Variants in SCAPER observed in about 807,000 individuals in gnomAD.
SCAPER encodes the protein S-phase cyclin A associated protein in the ER, also known as S phase cyclin A-associated protein in the endoplasmic reticulum.
A neutral mutation model predicts 182.2 loss-of-function variants in SCAPER; 98 were observed. That is an observed-to-expected ratio of 0.54 (90% confidence interval 0.46 to 0.64). SCAPER has a LOEUF of 0.64. Ranked by LOEUF, SCAPER falls within the 30% of genes least tolerant of loss-of-function variation. The probability of loss-of-function intolerance (pLI) is 0.00; values close to 1 mark genes in which losing one functional copy is unlikely to be tolerated. For synonymous variants in SCAPER, 605 were observed against 564.6 expected, an observed-to-expected ratio of 1.07 and a Z score of -1.01; for missense variants, 1,432 against 1,690.0, an observed-to-expected ratio of 0.85 and a Z score of 2.68.
intron 21 of SCAPER, among the ~76,000 whole-genome samples, chr15:76,643,774 T>C (rs1169831065): frequency 1.3e-5 from 2 of 152,178 alleles, no homozygotes; most frequent in South Asian, 2.1e-4. Flanking sequence ...ATTTTTAGGG[T>C]CTCCTAACTA....
chr15:76,781,945 T>C (rs2064177925), intron 8 of SCAPER, among the ~76,000 whole-genome samples: 1 of 152,110 alleles, frequency 6.6e-6, no homozygotes, highest in African/African-American at 2.4e-5. Flanking sequence ...TACCAAATGG[T>C]AAAGACCATG....
In SCAPER at chr15:76,765,592, T is replaced by A; in HGVS notation, c.1466A>T (p.Asp489Val). The change falls in exon 12 of 32, where the codon GAC (aspartate) becomes GTC (valine). Residue 489 changes from aspartate to valine, a missense_variant. Transcript: ENST00000563290. ...GSVSFCGMSM[D>V]WNDVLADYEA... The stretch of plus-strand genomic sequence containing the variant: ...ATAATCTGCAAGGACATCGTTCCAG[T>A]CCATGGACATACCACAGAAAGAAAC... 1 of 1,590,684 alleles carries A rather than the reference T, an allele frequency of 6.3e-7. No homozygotes were observed. The highest frequency in any genetic ancestry group is 8.6e-7 in the Non-Finnish European group (1 of 1,167,428).
chr15:76,855,197 T>C (rs1452319681), intron 4 of SCAPER, among the ~76,000 whole-genome samples: 1 of 152,022 alleles, frequency 6.6e-6, no homozygotes, highest in Non-Finnish European at 1.5e-5. Flanking sequence ...ATTCAACAAA[T>C]GGTGTTGAGA....
intron 21 of SCAPER, among the ~76,000 whole-genome samples, chr15:76,644,583 C>A (rs879494067): frequency 6.6e-6 from 1 of 151,108 alleles, no homozygotes; most frequent in Non-Finnish European, 1.5e-5. Context: ...ATTTTTATGA[C>A]CATAAAAACA....
chr15:76,857,182 C>T (rs994215264), intron 4 of SCAPER, among the ~76,000 whole-genome samples: 2 of 152,106 alleles, frequency 1.3e-5, no homozygotes, highest in African/African-American at 4.8e-5. Flanking sequence ...CCTATAACCC[C>T]AGCACTTTGG....
intron 22 of SCAPER, among the ~76,000 whole-genome samples, chr15:76,614,164 C>T (rs749022788): frequency 6.6e-6 from 1 of 152,144 alleles, no homozygotes; most frequent in Non-Finnish European, 1.5e-5. Flanking sequence ...CCAAATATCA[C>T]ATGTTCTCAT....
Position 76,512,107 on chromosome 15 carries a change from C to T in SCAPER, c.2839-7133G>A, listed in dbSNP as rs112918261. 9.5e-3 allele frequency among the ~76,000 whole-genome samples: 1,440 copies of T among 151,718 alleles called. 11 individuals are homozygous for T. Among genetic ancestry groups the T allele is most frequent in the Middle Eastern group, 0.034 (10 of 294 alleles). On this transcript the variant is annotated intron_variant, in intron 23 of 31. Coordinates refer to ENST00000563290, the MANE Select transcript of SCAPER (RefSeq NM_020843.4). ...TTCACCATGTTGGTCAGGCCGGTCT[C>T]GAACTCCTGACCTCAGGTGATCCAC...
chr15:76,467,977 T>C (rs1218710832), intron 25 of SCAPER, among the ~76,000 whole-genome samples: 1 of 152,186 alleles, frequency 6.6e-6, no homozygotes, highest in Non-Finnish European at 1.5e-5. Flanking sequence ...GTCTTATAAA[T>C]AACACCAGAT....
chr15:76,897,760 C>T (rs1247439667), intron 1 of SCAPER, among the ~76,000 whole-genome samples: 1 of 152,188 alleles, frequency 6.6e-6, no homozygotes, highest in African/African-American at 2.4e-5. Context: ...TACTGATTAA[C>T]TTGAAATCCT....
chr15:76,579,901 G>C (rs911577015), intron 22 of SCAPER, among the ~76,000 whole-genome samples: 1 of 151,914 alleles, frequency 6.6e-6, no homozygotes, highest in African/African-American at 2.4e-5. Flanking sequence ...TACATTTCAA[G>C]ACAAAACTAT....
At position 76,353,977 on chromosome 15, in the gene SCAPER, C is replaced by G. The variant is rs753671837; in HGVS notation, c.4019G>C (p.Ser1340Thr). 1.1e-5 allele frequency: 18 copies of G among 1,591,156 alleles called. No homozygotes were observed. The highest frequency in any genetic ancestry group is 1.4e-5 in the Non-Finnish European group (16 of 1,172,592). The change falls in exon 30 of 32, where the codon AGC becomes ACC. Residue 1340 changes from serine to threonine, a missense_variant. Physicochemically the swap from Ser to Thr is moderately conservative, Grantham distance 58. Coordinates refer to ENST00000563290, the MANE Select transcript of SCAPER (RefSeq NM_020843.4). ...QNKIILEQEM[S>T]CVLLATFIQD... The stretch of plus-strand genomic sequence containing the variant: ...AATGAAAGTGGCCAGTAAAACACAG[C>G]TCATCTCTTGCTCCAGAATGATCTT...
chr15:76,355,926 A>C (rs970475075), intron 29 of SCAPER, among the ~76,000 whole-genome samples: 2 of 152,230 alleles, frequency 1.3e-5, no homozygotes, highest in Admixed American at 6.5e-5. Flanking sequence ...TGGATTGCAG[A>C]AGATGCAAAT....
At chr15:76,623,745 C>T (rs2052318383) in intron 21 of SCAPER, among the ~76,000 whole-genome samples, 1 of 152,112 alleles carries the variant, frequency 6.6e-6, no homozygotes, top group Non-Finnish European at 1.5e-5. Context: ...TTTATGGCTC[C>T]ATATGCATTT....
rs536644081 is a variant in SCAPER, at chr15:76,781,554, C to A, written c.773-6437G>T. Among the ~76,000 whole-genome samples, 5 of 152,248 alleles carry A rather than the reference C, an allele frequency of 3.3e-5. No homozygotes were observed. In the South Asian group the frequency reaches 1.0e-3, roughly 32 times the overall value. ...CTACAGAGAATACCATGAACATACT[C>A]CTTGAGAAGAGAAACCCCAAGACAC... On this transcript the variant is annotated intron_variant, in intron 8 of 31. Transcript: ENST00000563290.
intron 17 of SCAPER, among the ~76,000 whole-genome samples, chr15:76,714,357 T>C (rs575845415): frequency 6.6e-6 from 1 of 152,254 alleles, no homozygotes; most frequent in South Asian, 2.1e-4. Context: ...AACTGTTAAT[T>C]TCAATTTCAA....
chr15:76,631,260 C>T (rs1438373195), intron 21 of SCAPER, among the ~76,000 whole-genome samples: 1 of 152,126 alleles, frequency 6.6e-6, no homozygotes, highest in East Asian at 1.9e-4. Context: ...CGTTCTGTGT[C>T]TTTTAATTTG....
rs60675828 is a variant in SCAPER at position 76,431,676 on chromosome 15, C to CAAAAAAAAAAAAAAAAAAAA, written c.3311+2382_3311+2401dup. On this transcript the variant is annotated intron_variant, in intron 26 of 31. Transcript: ENST00000563290. ...AGAAGGCAAGTATGAAAATGATTAG[C>CAAAAAAAAAAAAAAAAAAAA]AAAAAAAAAAAAAAAAAAAAAAAAA... is the stretch of plus-strand genomic sequence containing the variant. 1.9e-3 allele frequency among the ~76,000 whole-genome samples: 88 copies of CAAAAAAAAAAAAAAAAAAAA among 47,126 alleles called. 9 individuals are homozygous for CAAAAAAAAAAAAAAAAAAAA. The highest frequency in any genetic ancestry group is 6.0e-3 in the African/African-American group (61 of 10,252). 30.9% of individuals were successfully genotyped at this position (47,126 alleles called of 152,430 possible). A position where few individuals can be genotyped will look rare whatever the true frequency, so the allele number is the denominator to read the frequency against.
At chr15:76,554,502 C>G (rs1166801702) in intron 23 of SCAPER, among the ~76,000 whole-genome samples, 2 of 152,146 alleles carry the variant, frequency 1.3e-5, no homozygotes, top group Non-Finnish European at 2.9e-5. Flanking sequence ...AGACAGTATA[C>G]AAGATGACCA....
At chr15:76,836,335 A>G (rs1384912844) in intron 5 of SCAPER, among the ~76,000 whole-genome samples, 1 of 152,234 alleles carries the variant, frequency 6.6e-6, no homozygotes, top group Non-Finnish European at 1.5e-5. Context: ...ACAAGGCCAT[A>G]GTAACCAAAA....
Sources: gnomAD v4.1 joint callset for allele counts (sites outside exome capture counted in the v4.1 genomes callset) on GRCh38, gnomAD v4.1.1 for gene constraint, MANE v1.5 for transcripts, NCBI Gene and HGNC (gene_info 2026-07-23, HGNC 2026-07-21) for gene names.